NR1I2: variants seen among roughly 807,000 people sequenced by gnomAD.
The protein encoded by NR1I2 is nuclear receptor subfamily 1 group I member 2, also known as orphan nuclear receptor PAR1.
NR1I2 carries 42 observed loss-of-function variants against 43.3 expected under a neutral mutation model. The ratio of observed to expected loss-of-function variants is 0.97; its 90% CI spans 0.76 to 1.26. The LOEUF (loss-of-function observed/expected upper bound fraction) is 1.26, where lower values mean the gene tolerates loss of function less well. NR1I2 is among the 50% of genes most tolerant of loss of function. NR1I2 has a pLI of 0.00. For synonymous variants in NR1I2, 229 were observed against 215.0 expected (o/e 1.06, Z -0.57); for missense variants, 559 against 566.7 (o/e 0.99, Z 0.14).
At chr3:119,792,909 G>C (rs977703361) in intron 1 of NR1I2, among the ~76,000 whole-genome samples, 3 of 151,928 alleles carry the variant, frequency 2.0e-5, no homozygotes, top group African/African-American at 7.3e-5. Flanking sequence ...AAGAAACGTG[G>C]CCTCCAATGT....
intron 3 of NR1I2, 117 bp from the exon 4 acceptor site, chr3:119,811,422 A>T: frequency 1.0e-6 from 1 of 975,766 alleles, no homozygotes; most frequent in Non-Finnish European, 1.5e-6. Flanking sequence ...TGTCACCATT[A>T]CTTTCTCTTT....
intron 1 of NR1I2, among the ~76,000 whole-genome samples, chr3:119,806,433 C>T (rs1043276113): frequency 6.6e-6 from 1 of 152,172 alleles, no homozygotes; most frequent in Admixed American, 6.5e-5. Flanking sequence ...TATAGGCTCA[C>T]ACCATCGATC....
At chr3:119,786,365 G>A (rs557693288) in intron 1 of NR1I2, among the ~76,000 whole-genome samples, 20 of 151,972 alleles carry the variant, frequency 1.3e-4, no homozygotes, top group African/African-American at 4.8e-4. Flanking sequence ...ATTTGAAGGG[G>A]GCTGGGAAAA....
intron 5 of NR1I2, among the ~76,000 whole-genome samples, chr3:119,814,478 C>G (rs1220856486): frequency 6.6e-6 from 1 of 152,214 alleles, no homozygotes; most frequent in Non-Finnish European, 1.5e-5. Context: ...ATCCCCACTA[C>G]TGGAACTCAG....
intron 1 of NR1I2, among the ~76,000 whole-genome samples, chr3:119,805,704 C>A (rs1462293582): frequency 5.5e-5 from 2 of 36,416 alleles, no homozygotes; most frequent in Non-Finnish European, 2.9e-4. Flanking sequence ...CTTGGTCCCC[C>A]CCTCCCCCCC....
intron 1 of NR1I2, 133 bp from the exon 2 acceptor site, chr3:119,807,095 TC>T (rs1282710981): frequency 7.9e-6 from 6 of 758,168 alleles, no homozygotes; most frequent in Admixed American, 4.2e-5. Flanking sequence ...CCGCTTTTTT[TC>T]CCCATGAGAG....
chr3:119,782,343 C>G (rs2054784607), intron 1 of NR1I2, 43 bp downstream of exon 1: 1 of 172,398 alleles, frequency 5.8e-6, no homozygotes, highest in Non-Finnish European at 1.3e-5. Flanking sequence ...GGCTGACCGC[C>G]CTTCAGCTCC....
chr3:119,810,584 C>T (rs188095411), intron 3 of NR1I2: 1 of 257,096 alleles, frequency 3.9e-6, no homozygotes, highest in Non-Finnish European at 7.6e-6. Flanking sequence ...TGATAGGACC[C>T]GGGGCCTTCT....
intron 1 of NR1I2, among the ~76,000 whole-genome samples, chr3:119,797,320 C>T (rs2055015385): frequency 6.6e-6 from 1 of 151,882 alleles, no homozygotes. Flanking sequence ...GAAATGGCCT[C>T]ATGAGGAAGC....
At chr3:119,787,687 G>C (rs1333549444) in intron 1 of NR1I2, among the ~76,000 whole-genome samples, 1 of 148,324 alleles carries the variant, frequency 6.7e-6, no homozygotes, top group African/African-American at 2.5e-5. Context: ...GTGTGTGTGT[G>C]TGTGTGTGTG....
intron 1 of NR1I2, among the ~76,000 whole-genome samples, chr3:119,787,642 A>T (rs144226864): frequency 1.5e-5 from 2 of 134,890 alleles, no homozygotes; most frequent in East Asian, 2.2e-4. Context: ...TCCTCTGGCC[A>T]GTTCTGCTAT....
chr3:119,804,440 GTA>G (rs1209664358), intron 1 of NR1I2, among the ~76,000 whole-genome samples: 5 of 134,146 alleles, frequency 3.7e-5, no homozygotes, highest in African/African-American at 1.4e-4. Context: ...AACATAGTTG[GTA>G]TTTTTTTTTT....
At chr3:119,782,734 C>G in intron 1 of NR1I2, 1 of 1,503,878 alleles carries the variant, frequency 6.6e-7, no homozygotes, top group Non-Finnish European at 8.9e-7. Flanking sequence ...GTGCTGGCAG[C>G]CCCCTGAGGC....
chr3:119,815,089 G>A lies in NR1I2; in HGVS notation c.905G>A (p.Gly302Asp). Reference sequence around the variant, plus strand: ...GCGGAGACTGGAACCTGGGAGTGTGGCCGGCTGTCCTACTGCTTGGAAGAC... The same window carrying A: ...GCGGAGACTGGAACCTGGGAGTGTGACCGGCTGTCCTACTGCTTGGAAGAC... The change falls in exon 6 of 9, where the codon GGC becomes GAC. Residue 302 changes from glycine (G) to aspartate (D), a missense_variant. Physicochemically the swap from Gly to Asp is moderately conservative, Grantham distance 94. Transcript: ENST00000393716. 1.2e-6 allele frequency: 2 copies of A among 1,614,136 alleles called. No individual in the cohort carries two copies. Among genetic ancestry groups the A allele is most frequent in the Non-Finnish European group, 1.7e-6 (2 of 1,180,042 alleles).
chr3:119,786,335 G>A (rs1423749023), intron 1 of NR1I2, among the ~76,000 whole-genome samples: 5 of 152,176 alleles, frequency 3.3e-5, no homozygotes, highest in Non-Finnish European at 7.3e-5. Context: ...CTTGCATACA[G>A]GGGCTTTTTA....
chr3:119,793,249 G>T (rs1054952272), intron 1 of NR1I2, among the ~76,000 whole-genome samples: 1 of 152,054 alleles, frequency 6.6e-6, no homozygotes, highest in Non-Finnish European at 1.5e-5. Context: ...ATACAAAATG[G>T]ACTAACACAA....
intron 1 of NR1I2, among the ~76,000 whole-genome samples, chr3:119,787,196 G>A (rs985347045): frequency 2.6e-5 from 4 of 151,782 alleles, no homozygotes; most frequent in Non-Finnish European, 4.4e-5. Context: ...GCTGAGGCAC[G>A]AGAATCATTT....
intron 1 of NR1I2, among the ~76,000 whole-genome samples, chr3:119,793,240 T>A (rs927901240): frequency 3.9e-5 from 6 of 152,086 alleles, no homozygotes; most frequent in African/African-American, 1.4e-4. Flanking sequence ...TTTGTAGCAA[T>A]ACAAAATGGA....
At position 119,812,691 on chromosome 3, in the gene NR1I2, AG is replaced by A. The variant is rs2055260877; in HGVS notation, c.529del (p.Val177CysfsTer33). On this transcript the variant is annotated frameshift_variant, in exon 5 of 9. Transcript: ENST00000393716. LOFTEE classifies it high-confidence loss of function. ...CCTCCTGGCATGTGTCCTAGCTGCCAGGGGTGCTTAGCAGTGGCTGCGAGTT... is the reference window on the plus strand; with the variant it reads ...CCTCCTGGCATGTGTCCTAGCTGCCAGGGTGCTTAGCAGTGGCTGCGAGTT... The A allele has an allele frequency of 1.9e-6, 3 of 1,613,770 alleles. No homozygotes were observed. Among genetic ancestry groups the A allele is most frequent in the Non-Finnish European group, 2.5e-6 (3 of 1,180,010 alleles).
Sources: allele counts gnomAD v4.1 joint callset (sites outside exome capture counted in the v4.1 genomes callset), GRCh38; gene constraint gnomAD v4.1.1; transcripts MANE v1.5; gene names NCBI Gene and HGNC (gene_info 2026-07-23, HGNC 2026-07-21).